ITPK1: variants seen among roughly 807,000 people sequenced by gnomAD.
ITPK1 encodes the protein inositol 1,3,4-trisphosphate 5/6-kinase.
In ITPK1, 21 loss-of-function variants were observed where a neutral mutation model predicts 45.3. That is an observed-to-expected ratio of 0.46 (90% CI 0.33 to 0.67). ITPK1 has a LOEUF of 0.67. Among genes scored for constraint, ITPK1 ranks in the 30% least tolerant of loss-of-function variants. ITPK1 has a pLI of 0.02. For synonymous variants in ITPK1, 258 were observed against 253.6 expected (o/e 1.02, Z -0.16); for missense variants, 474 against 573.5 (o/e 0.83, Z 1.77).
At chr14:92,952,043 T>G in intron 8 of ITPK1, 30 bp from the exon 9 acceptor site, 1 of 1,544,442 alleles carries the variant, frequency 6.5e-7, no homozygotes, top group Non-Finnish European at 8.8e-7. Flanking sequence ...GAGCCGGCGT[T>G]AGAACCTCAA....
At chr14:92,972,743 ACCATGCCTGGCT>A (rs989572606) in intron 5 of ITPK1, among the ~76,000 whole-genome samples, 1 of 152,124 alleles carries the variant, frequency 6.6e-6, no homozygotes, top group Non-Finnish European at 1.5e-5. Context: ...GGAACACGCC[ACCATGCCTGGCT>A]AATTTTTTTG....
chr14:93,040,574 C>CT (rs1428301069), intron 3 of ITPK1, among the ~76,000 whole-genome samples: 1 of 152,222 alleles, frequency 6.6e-6, no homozygotes, highest in Non-Finnish European at 1.5e-5. Flanking sequence ...CCCCCAAATG[C>CT]TAAGCTGGCT....
At position 93,079,815 on chromosome 14, in the gene ITPK1, G is replaced by A. The variant is rs548921429; in HGVS notation, c.96-3196C>T. ...CAAAGGGGAAGAGGGAGAAGGAAGG[G>A]ACATGGGAGACAGGAGGAGGGAACA... On this transcript the variant is annotated intron_variant, in intron 2 of 10. Transcript: ENST00000267615. Among the ~76,000 whole-genome samples the A allele has an allele frequency of 5.9e-5, 9 of 152,326 alleles. No homozygotes were observed. In the South Asian group the frequency reaches 1.9e-3, roughly 32 times the overall value.
chr14:92,960,801 G>A (rs901219422), intron 7 of ITPK1, among the ~76,000 whole-genome samples: 11 of 152,234 alleles, frequency 7.2e-5, no homozygotes, highest in Non-Finnish European at 1.3e-4. Context: ...TGCTGCTCTC[G>A]AGCCTTCCTG....
intron 5 of ITPK1, among the ~76,000 whole-genome samples, chr14:92,963,082 G>A (rs1566700555): frequency 6.6e-6 from 1 of 152,236 alleles, no homozygotes; most frequent in Admixed American, 6.5e-5. Context: ...TGATCACTGT[G>A]TAAAATCCGA....
At chr14:92,989,535 C>A (rs1046534053) in intron 5 of ITPK1, among the ~76,000 whole-genome samples, 1 of 152,166 alleles carries the variant, frequency 6.6e-6, no homozygotes, top group African/African-American at 2.4e-5. Context: ...TAGAGCCGTG[C>A]CCAGAATCGC....
intron 3 of ITPK1, among the ~76,000 whole-genome samples, chr14:93,045,607 A>C (rs182454894): frequency 8.5e-5 from 13 of 152,254 alleles, no homozygotes; most frequent in African/African-American, 3.1e-4. Flanking sequence ...GTGCGCTATG[A>C]TTGCATCTGT....
At chr14:92,999,010 C>T (rs1017399692) in intron 4 of ITPK1, 2 of 152,222 alleles carry the variant, frequency 1.3e-5, no homozygotes, top group Admixed American at 1.3e-4. Flanking sequence ...ATCTTCGTGA[C>T]CTTGGATTAA....
rs1889097431 is a variant in ITPK1 at position 93,032,219 on chromosome 14, G to A, written c.121-15418C>T. Among the ~76,000 whole-genome samples the A allele has an allele frequency of 6.6e-6, 1 of 152,150 alleles. No homozygotes were observed. The highest frequency in any genetic ancestry group is 1.5e-5 in the Non-Finnish European group (1 of 68,024). Reference sequence around the variant, plus strand: ...GCAAAAATTAGCTGGGCATGGTGGTGCATGCCTGCAATCCCAGCTACTCGG... The same window carrying A: ...GCAAAAATTAGCTGGGCATGGTGGTACATGCCTGCAATCCCAGCTACTCGG... On this transcript the variant is annotated intron_variant, in intron 3 of 10. Coordinates refer to ENST00000267615, the MANE Select transcript of ITPK1 (RefSeq NM_014216.6). This position sits in a 1 kb window ranked among gnomAD's most constrained non-coding sequence, Gnocchi z 4.0.
chr14:93,002,747 T>A (rs1451917757), intron 4 of ITPK1, among the ~76,000 whole-genome samples: 2 of 152,138 alleles, frequency 1.3e-5, no homozygotes, highest in African/African-American at 4.8e-5. Flanking sequence ...AAAACCCAGA[T>A]GGACCCTTCA....
At chr14:93,057,651 C>A (rs11846859) in intron 3 of ITPK1, among the ~76,000 whole-genome samples, 2,077 of 152,308 alleles carry the variant, frequency 0.014, 46 homozygotes, top group African/African-American at 0.048. Flanking sequence ...TATCAGCTGT[C>A]AGACAGAGAA....
chr14:93,110,487 G>C (rs1026559017), intron 2 of ITPK1, among the ~76,000 whole-genome samples: 5 of 152,184 alleles, frequency 3.3e-5, no homozygotes, highest in African/African-American at 9.7e-5. Context: ...AAGGACCTTG[G>C]AGATGGCCCT....
chr14:92,961,524 C>T (rs997220616), intron 7 of ITPK1, among the ~76,000 whole-genome samples: 45 of 152,244 alleles, frequency 3.0e-4, no homozygotes, highest in African/African-American at 1.1e-3. Flanking sequence ...CTTTTCCTCC[C>T]TGGCCCGTCT....
intron 3 of ITPK1, among the ~76,000 whole-genome samples, chr14:93,056,944 G>C (rs536949754): frequency 8.5e-5 from 13 of 152,324 alleles, no homozygotes; most frequent in African/African-American, 3.1e-4. Flanking sequence ...CTAAAAACAG[G>C]CCCTGCTGGG....
At position 92,939,854 on chromosome 14, in the gene ITPK1, G is replaced by T; in HGVS notation, c.*1707C>A. ...AAACTTGAGCAACATGTGTAAACACGTGTGAAATGCGGTTTGATTTCAGTA... is the reference window on the plus strand; with the variant it reads ...AAACTTGAGCAACATGTGTAAACACTTGTGAAATGCGGTTTGATTTCAGTA... On this transcript the variant is annotated 3_prime_UTR_variant, in exon 11 of 11. Transcript: ENST00000267615. 1.0e-6 allele frequency: 1 copy of T among 985,736 alleles called. No homozygotes were observed. Among genetic ancestry groups the T allele is most frequent in the South Asian group, 4.7e-5 (1 of 21,290 alleles). The allele number at this position is 985,736 out of a possible 1,614,324, so 61.1% of individuals were successfully genotyped here.
intron 3 of ITPK1, among the ~76,000 whole-genome samples, chr14:93,017,150 C>A (rs1888222531): frequency 6.6e-6 from 1 of 152,210 alleles, no homozygotes; most frequent in Non-Finnish European, 1.5e-5. Context: ...AATGGCTTTA[C>A]AGAGAAAGGC....
At chr14:92,944,724 G>A (rs1887599258) in intron 10 of ITPK1, among the ~76,000 whole-genome samples, 1 of 152,108 alleles carries the variant, frequency 6.6e-6, no homozygotes, top group African/African-American at 2.4e-5. Flanking sequence ...AACGTCCCTT[G>A]CATTATCCTG....
chr14:92,953,603 G>T (rs1888061243), intron 8 of ITPK1, among the ~76,000 whole-genome samples: 1 of 152,216 alleles, frequency 6.6e-6, no homozygotes, highest in South Asian at 2.1e-4. Flanking sequence ...TTTCCCTGTA[G>T]ATCCTGAATA....
chr14:92,963,691 G>A (rs915208155), intron 5 of ITPK1, among the ~76,000 whole-genome samples: 6 of 152,216 alleles, frequency 3.9e-5, no homozygotes, highest in Non-Finnish European at 7.3e-5. Context: ...CTCAAAAGCT[G>A]ACCTGTTCTG....
Sources: allele counts gnomAD v4.1 joint callset (sites outside exome capture counted in the v4.1 genomes callset), GRCh38; gene constraint gnomAD v4.1.1; non-coding constraint Gnocchi (gnomAD v3.1); transcripts MANE v1.5; gene names NCBI Gene and HGNC (gene_info 2026-07-23, HGNC 2026-07-21).